Variants in SPATA13 observed in about 807,000 individuals in gnomAD.
SPATA13 encodes the protein spermatogenesis associated 13.
Under a neutral mutation model 104.0 loss-of-function variants are expected in SPATA13, and 50 were observed. That is an observed-to-expected ratio of 0.48 (90% CI 0.38 to 0.61). The LOEUF is 0.61. Ranked by LOEUF, SPATA13 falls within the 20% of genes least tolerant of loss-of-function variation. The pLI, the probability that SPATA13 is intolerant of heterozygous loss-of-function variation, is 0.00. For synonymous variants in SPATA13, 606 were observed against 667.5 expected (o/e 0.91, Z 1.42); for missense variants, 1,524 against 1,690.6 (o/e 0.90, Z 1.73).
intron 3 of SPATA13, among the ~76,000 whole-genome samples, chr13:24,116,769 G>GC (rs68080717): frequency 0.087 from 12,163 of 140,150 alleles, 846 homozygotes; most frequent in Non-Finnish European, 0.13. Context: ...AGCCCTACCA[G>GC]CCCCCCCCCC....
intron 3 of SPATA13, among the ~76,000 whole-genome samples, chr13:24,129,230 T>TG (rs1593348285): frequency 6.6e-6 from 1 of 152,206 alleles, no homozygotes; most frequent in South Asian, 2.1e-4. Context: ...CGCTGAATGC[T>TG]GGGGGTCAGA....
chr13:24,102,676 G>T (rs185784622), intron 3 of SPATA13, among the ~76,000 whole-genome samples: 7 of 151,958 alleles, frequency 4.6e-5, no homozygotes, highest in Non-Finnish European at 5.9e-5. Flanking sequence ...GTTTCACCAC[G>T]TGGGCCAGGC....
intron 3 of SPATA13, among the ~76,000 whole-genome samples, chr13:24,097,996 C>T (rs750797597): frequency 3.3e-5 from 5 of 152,204 alleles, no homozygotes; most frequent in Non-Finnish European, 5.9e-5. Flanking sequence ...GAGGTTCAGA[C>T]TGCCTTGACT....
intron 3 of SPATA13, among the ~76,000 whole-genome samples, chr13:24,104,984 T>A (rs530376332): frequency 9.9e-5 from 15 of 152,180 alleles, no homozygotes; most frequent in Non-Finnish European, 1.6e-4. Context: ...TGTCCATCCT[T>A]TTAGGAGCTA....
At chr13:24,265,698 G>A (rs1371036074) in intron 4 of SPATA13, among the ~76,000 whole-genome samples, 5 of 152,104 alleles carry the variant, frequency 3.3e-5, no homozygotes, top group Non-Finnish European at 7.3e-5. Context: ...TCCTAAAGCT[G>A]ATGGCCATGC....
chr13:24,216,406 A>G lies in SPATA13; in HGVS notation c.-111-6413A>G, dbSNP rs80265846. 8.4e-3 allele frequency among the ~76,000 whole-genome samples: 1,273 copies of G among 152,306 alleles called. 24 individuals are homozygous for G. In the East Asian group the frequency reaches 0.085, roughly 10 times the overall value. ...CACAGGAATGTGTTTTAGCCCAGTAACCCCCATAAGGCAAGCCAAGACAAT... is the reference window on the plus strand; with the variant it reads ...CACAGGAATGTGTTTTAGCCCAGTAGCCCCCATAAGGCAAGCCAAGACAAT... On this transcript the variant is annotated intron_variant, in intron 1 of 12. Coordinates refer to ENST00000382108, the MANE Select transcript of SPATA13 (RefSeq NM_001166271.3).
At chr13:24,015,026 G>T (rs1349042272) in intron 2 of SPATA13, among the ~76,000 whole-genome samples, 10 of 151,790 alleles carry the variant, frequency 6.6e-5, no homozygotes, top group Admixed American at 6.6e-4. Context: ...AAGTAGCTGG[G>T]ACTACAGGTA....
chr13:23,983,005 A>T (rs929714520), intron 1 of SPATA13, among the ~76,000 whole-genome samples: 5 of 152,218 alleles, frequency 3.3e-5, no homozygotes, highest in Non-Finnish European at 5.9e-5. Flanking sequence ...TGAAAGGAGG[A>T]GCTGGAGAGG....
intron 3 of SPATA13, among the ~76,000 whole-genome samples, chr13:24,024,635 A>G (rs1221439208): frequency 1.3e-5 from 2 of 151,624 alleles, no homozygotes; most frequent in Non-Finnish European, 2.9e-5. Flanking sequence ...TGCTTACTAG[A>G]TGTCACACAG....
intron 3 of SPATA13, among the ~76,000 whole-genome samples, chr13:24,143,774 C>G (rs1454167203): frequency 6.6e-6 from 1 of 152,136 alleles, no homozygotes; most frequent in African/African-American, 2.4e-5. Flanking sequence ...CCATGTCTTG[C>G]TATAGATAGT....
rs1156548252 is a variant in SPATA13, at chr13:24,291,759, T to TTTA, written c.3080+877_3080+878insATT. ...GTCTTTATTTTTTTATTTTTTTATT[T>TTTA]TTTTTTTTGAGACGGAGTCTCGTTC... On this transcript the variant is annotated intron_variant, in intron 9 of 12. Transcript: ENST00000382108. Among the ~76,000 whole-genome samples the TTTA allele has an allele frequency of 2.4e-3, 355 of 147,664 alleles. 10 individuals carry two copies. Among genetic ancestry groups the TTTA allele is most frequent in the East Asian group, 6.1e-3 (31 of 5,060 alleles).
At chr13:24,139,466 G>C (rs6490873) in intron 3 of SPATA13, among the ~76,000 whole-genome samples, 3,383 of 148,068 alleles carry the variant, frequency 0.023, 128 homozygotes, top group African/African-American at 0.085. Flanking sequence ...CTCTGGGATT[G>C]TATCACTGGC....
At position 24,224,000 on chromosome 13, in the gene SPATA13, G is replaced by C. The variant is rs1216981641; in HGVS notation, c.1071G>C (p.Leu357=). Residue 357 remains leucine (L), a synonymous_variant, in exon 2 of 13, where the codon CTG becomes CTC. Transcript: ENST00000382108. ...TGAGACTTCAGGCACACAGCCGGCT[G>C]CATGACGACTACTCCCGCCGCGTCT... The part of the protein sequence containing the change: ...ASLRLQAHSR[L]HDDYSRRVSR... 45 of 1,548,548 alleles carry C rather than the reference G, an allele frequency of 2.9e-5. No homozygotes were observed. Among genetic ancestry groups the C allele is most frequent in the Non-Finnish European group, 3.8e-5 (44 of 1,145,364 alleles).
At chr13:24,164,883 C>T (rs1199730213) in intron 1 of SPATA13, among the ~76,000 whole-genome samples, 1 of 152,176 alleles carries the variant, frequency 6.6e-6, no homozygotes, top group Non-Finnish European at 1.5e-5. Flanking sequence ...AGCCTGAGGG[C>T]TCAGAGGAGT....
At chr13:24,283,054 A>G (rs1395103056) in intron 4 of SPATA13, among the ~76,000 whole-genome samples, 1 of 152,146 alleles carries the variant, frequency 6.6e-6, no homozygotes, top group Non-Finnish European at 1.5e-5. Flanking sequence ...CTTGTCTTTC[A>G]TGAGATGTGC....
chr13:24,160,397 C>T (rs1274229124), upstream of SPATA13, among the ~76,000 whole-genome samples: 1 of 152,138 alleles, frequency 6.6e-6, no homozygotes, highest in Non-Finnish European at 1.5e-5. Flanking sequence ...AGGCGCCTGT[C>T]ACCACGCCCG....
At chr13:24,141,376 A>T (rs1451742340) in intron 3 of SPATA13, among the ~76,000 whole-genome samples, 1 of 152,102 alleles carries the variant, frequency 6.6e-6, no homozygotes, top group African/African-American at 2.4e-5. Flanking sequence ...GAGGAATTCT[A>T]GTGAAGGTCA....
At chr13:24,021,689 C>T (rs1328905955) in intron 3 of SPATA13, among the ~76,000 whole-genome samples, 2 of 151,946 alleles carry the variant, frequency 1.3e-5, no homozygotes, top group Non-Finnish European at 2.9e-5. Context: ...TAATTGAAGT[C>T]ATACTCTGTG....
In SPATA13 at chr13:24,059,334, A is replaced by C. The variant is rs1326250445; in HGVS notation, c.-112+41633A>C. ...CTCTTGGGACTTGGTGAATGTCACA[A>C]AAAAAAAAGGCTTGTCTTTGATCTC... On this transcript the variant is annotated intron_variant, in intron 3 of 14. Coordinates refer to the SPATA13 transcript ENST00000424834. Among the ~76,000 whole-genome samples, 5 of 150,432 alleles carry C rather than the reference A, an allele frequency of 3.3e-5. No individual in the cohort carries two copies. In the South Asian group the frequency reaches 6.4e-4, roughly 19 times the overall value.
Sources: gnomAD v4.1 joint callset for allele counts (sites outside exome capture counted in the v4.1 genomes callset) on GRCh38, gnomAD v4.1.1 for gene constraint, MANE v1.5 for transcripts, NCBI Gene and HGNC (gene_info 2026-07-23, HGNC 2026-07-21) for gene names.